Variants in CNTN3 observed in about 807,000 individuals in gnomAD.
CNTN3 encodes contactin 3.
In CNTN3, 60 loss-of-function variants were observed where a neutral mutation model predicts 119.1. That is an observed-to-expected ratio of 0.50 (90% CI 0.41 to 0.62). CNTN3 has a LOEUF of 0.62. CNTN3 is among the 20% of genes least tolerant of loss of function. The pLI, the probability that CNTN3 is intolerant of heterozygous loss-of-function variation, is 0.00. For missense variants in CNTN3, 1,101 were observed against 1,242.4 expected (o/e 0.89, Z 1.71); for synonymous variants, 450 against 438.7 (o/e 1.03, Z -0.32).
chr3:74,455,360 C>A (rs2106959507), intron 4 of CNTN3, among the ~76,000 whole-genome samples: 1 of 152,128 alleles, frequency 6.6e-6, no homozygotes, highest in Non-Finnish European at 1.5e-5. Context: ...CCATCAGCTC[C>A]TTTAAGCACT....
intron 5 of CNTN3, among the ~76,000 whole-genome samples, chr3:74,378,206 T>C (rs1704525746): frequency 6.6e-6 from 1 of 152,214 alleles, no homozygotes; most frequent in Non-Finnish European, 1.5e-5. Flanking sequence ...AAGTCTGGGA[T>C]GCAGTATGTA....
At chr3:74,546,464 G>T (rs1040174645) in intron 1 of CNTN3, among the ~76,000 whole-genome samples, 5 of 152,174 alleles carry the variant, frequency 3.3e-5, no homozygotes, top group Non-Finnish European at 7.3e-5. Context: ...CCTCAATGTG[G>T]GTGGGCACAA....
chr3:74,342,452 G>T (rs1487243745), intron 11 of CNTN3, among the ~76,000 whole-genome samples: 2 of 152,146 alleles, frequency 1.3e-5, no homozygotes, highest in Non-Finnish European at 2.9e-5. Flanking sequence ...GAGGAGATCA[G>T]CAGTTAATTA....
rs77419352 is a variant in CNTN3, at chr3:74,601,848, T to C, written c.-81+12543A>G. ...CCTTGTGTGTTTGCCTCTTATCTCT[T>C]TGCATCCCTGCAATTGGCATGAGAA... is the stretch of plus-strand genomic sequence containing the variant. On this transcript the variant is annotated intron_variant, in intron 1 of 22. Coordinates refer to ENST00000263665, the MANE Select transcript of CNTN3 (RefSeq NM_020872.3). 5.0e-3 allele frequency among the ~76,000 whole-genome samples: 766 copies of C among 152,218 alleles called. 3 individuals are homozygous for C. Among genetic ancestry groups the C allele is most frequent in the African/African-American group, 0.018 (733 of 41,554 alleles).
chr3:74,581,450 A>G (rs1704508496), intron 1 of CNTN3, among the ~76,000 whole-genome samples: 1 of 152,186 alleles, frequency 6.6e-6, no homozygotes, highest in Non-Finnish European at 1.5e-5. Context: ...AAAACCCACA[A>G]ATATTGCTAA....
At chr3:74,575,330 C>A (rs969273975) in intron 1 of CNTN3, among the ~76,000 whole-genome samples, 5 of 152,082 alleles carry the variant, frequency 3.3e-5, no homozygotes, top group African/African-American at 9.7e-5. Context: ...CGGCTCACTG[C>A]AACCTCTGCC....
chr3:74,442,258 T>G (rs1701980381), intron 4 of CNTN3, among the ~76,000 whole-genome samples: 1 of 152,080 alleles, frequency 6.6e-6, no homozygotes, highest in Non-Finnish European at 1.5e-5. Context: ...AATCAGTCTC[T>G]TCTCCTCTGG....
chr3:74,265,067 G>A (rs914351066), intron 22 of CNTN3, among the ~76,000 whole-genome samples: 1 of 152,052 alleles, frequency 6.6e-6, no homozygotes, highest in South Asian at 2.1e-4. Flanking sequence ...TAATTCAATG[G>A]TTTAATTAAG....
intron 13 of CNTN3, among the ~76,000 whole-genome samples, chr3:74,309,207 T>A (rs1455969994): frequency 6.6e-6 from 1 of 152,072 alleles, no homozygotes; most frequent in African/African-American, 2.4e-5. Flanking sequence ...TGGGTTCATG[T>A]GATCCTTCCA....
intron 13 of CNTN3, among the ~76,000 whole-genome samples, chr3:74,321,282 T>A (rs954125429): frequency 2.6e-5 from 4 of 152,066 alleles, no homozygotes; most frequent in Admixed American, 1.3e-4. Flanking sequence ...AAATAATACT[T>A]AAACAAAAAT....
chr3:74,496,250 T>C (rs1287871900), intron 3 of CNTN3, among the ~76,000 whole-genome samples: 2 of 152,108 alleles, frequency 1.3e-5, no homozygotes, highest in African/African-American at 2.4e-5. Context: ...CTACATTATG[T>C]TTTAAAAGAA....
chr3:74,436,068 G>A (rs1701861129), intron 4 of CNTN3, among the ~76,000 whole-genome samples: 1 of 152,208 alleles, frequency 6.6e-6, no homozygotes, highest in Non-Finnish European at 1.5e-5. Flanking sequence ...TTCAACAGAT[G>A]TGTATGCATA....
chr3:74,508,476 C>A (rs1047770797), intron 2 of CNTN3, among the ~76,000 whole-genome samples: 1 of 152,066 alleles, frequency 6.6e-6, no homozygotes, highest in Non-Finnish European at 1.5e-5. Context: ...CCTAGGCTTA[C>A]ATTTGTTAAA....
chr3:74,586,804 G>T (rs1290589593), intron 1 of CNTN3, among the ~76,000 whole-genome samples: 1 of 151,946 alleles, frequency 6.6e-6, no homozygotes, highest in African/African-American at 2.4e-5. Context: ...ACTCAAGCAG[G>T]ACCCTATCTT....
At chr3:74,462,460 G>T (rs955359377) in intron 4 of CNTN3, among the ~76,000 whole-genome samples, 5 of 151,982 alleles carry the variant, frequency 3.3e-5, no homozygotes, top group African/African-American at 1.2e-4. Flanking sequence ...ATGGGCTACT[G>T]CCTAGAATAC....
At chr3:74,589,943 T>C (rs1311403257) in intron 1 of CNTN3, among the ~76,000 whole-genome samples, 6 of 108,260 alleles carry the variant, frequency 5.5e-5, no homozygotes, top group Non-Finnish European at 7.1e-5. Flanking sequence ...AACATCACAC[T>C]CTGGGGAGTG....
intron 4 of CNTN3, among the ~76,000 whole-genome samples, chr3:74,474,235 C>T (rs187853720): frequency 2.0e-5 from 3 of 152,122 alleles, no homozygotes; most frequent in East Asian, 3.9e-4. Flanking sequence ...ATGTGGAATA[C>T]GAGAGAGACA....
intron 4 of CNTN3, among the ~76,000 whole-genome samples, chr3:74,476,893 G>T (rs1328830900): frequency 3.3e-5 from 5 of 151,936 alleles, no homozygotes; most frequent in African/African-American, 1.2e-4. Flanking sequence ...AACACAAAGA[G>T]ATACAGAATG....
intron 1 of CNTN3, among the ~76,000 whole-genome samples, chr3:74,598,843 A>G (rs1479356559): frequency 5.9e-5 from 9 of 151,896 alleles, no homozygotes; most frequent in African/African-American, 2.2e-4. Flanking sequence ...ACAGGTGACC[A>G]GCATTCAGAG....
Sources: allele counts gnomAD v4.1 joint callset (sites outside exome capture counted in the v4.1 genomes callset), GRCh38; gene constraint gnomAD v4.1.1; transcripts MANE v1.5; gene names NCBI Gene and HGNC (gene_info 2026-07-23, HGNC 2026-07-21).